TMEM184C: variants seen among roughly 807,000 people sequenced by gnomAD.
TMEM184C encodes transmembrane protein 184C, also known as transmembrane protein 34.
A neutral mutation model predicts 54.5 loss-of-function variants in TMEM184C; 25 were observed. The observed-to-expected ratio is 0.46, with a 90% CI of 0.33 to 0.64. The LOEUF (loss-of-function observed/expected upper bound fraction) is 0.64. TMEM184C is among the 30% of genes least tolerant of loss of function. The pLI is 0.02. For missense variants in TMEM184C, 335 were observed against 520.3 expected (o/e 0.64, Z 3.46); for synonymous variants, 148 against 181.5 (o/e 0.82, Z 1.49).
At chr4:147,634,073 G>A in intron 9 of TMEM184C, 96 bp from the exon 10 acceptor site, 1 of 1,523,828 alleles carries the variant, frequency 6.6e-7, no homozygotes, top group Non-Finnish European at 8.8e-7. Context: ...TCAACTTTGG[G>A]GAGTGGGAGA....
chr4:147,632,081 G>A (rs758000024), intron 7 of TMEM184C, among the ~76,000 whole-genome samples: 3 of 149,662 alleles, frequency 2.0e-5, no homozygotes, highest in Non-Finnish European at 4.4e-5. Flanking sequence ...GGGAAGGCAG[G>A]AGAATTACCT....
In TMEM184C at chr4:147,623,926, G is replaced by A; in HGVS notation, c.216G>A (p.Val72=). ...ISLWVILQHL[V]HYTQPELQKP... ...TGTGGGTGATATTGCAACACTTAGT[G>A]CATTATACACAACCTGAACTACAAA... The change falls in exon 2 of 10, where the codon GTG becomes GTA. Residue 72 remains valine, a synonymous_variant. Transcript: ENST00000296582. 6.2e-7 allele frequency: 1 copy of A among 1,613,940 alleles called. No homozygotes were observed. Among genetic ancestry groups the A allele is most frequent in the Non-Finnish European group, 8.5e-7 (1 of 1,179,916 alleles).
intron 3 of TMEM184C, among the ~76,000 whole-genome samples, 197 bp downstream of exon 3, chr4:147,624,295 T>C (rs1371277204): frequency 6.6e-6 from 1 of 152,136 alleles, no homozygotes; most frequent in African/African-American, 2.4e-5. Context: ...TGTTTAAAAA[T>C]CTATAGCTGT....
At position 147,634,347 on chromosome 4, in the gene TMEM184C, A is replaced by G. The variant is rs762102762; in HGVS notation, c.1230A>G (p.Thr410=). 3.7e-6 allele frequency: 6 copies of G among 1,614,146 alleles called. No individual in the cohort carries two copies. The African/African-American group carries it at 5.3e-5, about 14-fold the overall frequency. ...GACACACTGTGACTCCCCAGACTACACCTACCACAGCTAAGATATCTGATG... is the reference window on the plus strand; with the variant it reads ...GACACACTGTGACTCCCCAGACTACGCCTACCACAGCTAAGATATCTGATG... The part of the protein sequence containing the change: ...GFGHTVTPQT[T]PTTAKISDEI... Residue 410 remains threonine, a synonymous_variant, in exon 10 of 10, where the codon ACA becomes ACG. Coordinates refer to ENST00000296582, the MANE Select transcript of TMEM184C (RefSeq NM_018241.3).
At chr4:147,628,668 G>A (rs1052178490) in intron 5 of TMEM184C, among the ~76,000 whole-genome samples, 4 of 151,896 alleles carry the variant, frequency 2.6e-5, no homozygotes, top group Admixed American at 1.3e-4. Flanking sequence ...AGAGCTAGCT[G>A]GCCGTAAAGC....
intron 5 of TMEM184C, among the ~76,000 whole-genome samples, chr4:147,629,224 T>A (rs1033724141): frequency 6.6e-6 from 1 of 152,098 alleles, no homozygotes; most frequent in South Asian, 2.1e-4. Flanking sequence ...TACAGTTATA[T>A]ACACCTGCAT....
At chr4:147,629,846 A>C (rs1399839878) in intron 6 of TMEM184C, among the ~76,000 whole-genome samples, 154 bp downstream of exon 6, 2 of 151,544 alleles carry the variant, frequency 1.3e-5, no homozygotes, top group Non-Finnish European at 3.0e-5. Flanking sequence ...ACTTGAAAAA[A>C]ATTTAATATA....
Position 147,633,753 on chromosome 4 carries a change from T to C in TMEM184C, c.880-12T>C. The C allele has an allele frequency of 6.5e-7, 1 of 1,545,830 alleles. No individual in the cohort carries two copies. Among genetic ancestry groups the C allele is most frequent in the African/African-American group, 1.4e-5 (1 of 73,212 alleles). On this transcript the variant is annotated splice_polypyrimidine_tract_variant and intron_variant, in intron 8 of 9. Transcript: ENST00000296582. ...TCCAAAGGTGGCTGTTATCTTATTG[T>C]TGTTCTCATAGGATTTTATTATCTG...
chr4:147,617,743 C>A lies in TMEM184C; in HGVS notation c.-214C>A. The stretch of plus-strand genomic sequence containing the variant: ...AAGAAAGGATGTTGCCTGCACTGCT[C>A]GCCAATAGCACCCTGAGAGGCTACA... On this transcript the variant is annotated 5_prime_UTR_variant, in exon 1 of 10. Transcript: ENST00000296582. The A allele has an allele frequency of 1.8e-6, 1 of 567,150 alleles. No homozygotes were observed. Among genetic ancestry groups the A allele is most frequent in the Non-Finnish European group, 3.1e-6 (1 of 317,588 alleles). 35.1% of individuals were successfully genotyped at this position (567,150 alleles called of 1,614,324 possible).
intron 1 of TMEM184C, among the ~76,000 whole-genome samples, chr4:147,619,447 G>A (rs914919125): frequency 2.0e-5 from 3 of 151,908 alleles, no homozygotes; most frequent in Non-Finnish European, 2.9e-5. Context: ...CACCCACCTC[G>A]GCTTCCCAAA....
At chr4:147,628,521 G>A (rs554286435) in intron 5 of TMEM184C, 86 bp downstream of exon 5, 3 of 1,092,836 alleles carry the variant, frequency 2.7e-6, no homozygotes, top group Admixed American at 2.0e-5. Context: ...TAGTGTTAAT[G>A]TGCTTATTTA....
Position 147,634,195 on chromosome 4 carries a change from A to G in TMEM184C, c.1078A>G (p.Lys360Glu), listed in dbSNP as rs754139437. ...ACGGACAGTCAGGGGACATCCCAGGAAAAAATTGTTTCCCGAGGATCAAGA... is the reference window on the plus strand; with the variant it reads ...ACGGACAGTCAGGGGACATCCCAGGGAAAAATTGTTTCCCGAGGATCAAGA... ...VGRTVRGHPRKKLFPEDQDQN... is the reference protein window; with the variant it reads ...VGRTVRGHPREKLFPEDQDQN... Residue 360 changes from lysine to glutamate, a missense_variant, in exon 10 of 10, where the codon AAA becomes GAA. Physicochemically the swap from Lys to Glu is moderately conservative, Grantham distance 56 (BLOSUM62 1). Transcript: ENST00000296582. The G allele has an allele frequency of 3.1e-6, 5 of 1,613,710 alleles. No individual in the cohort carries two copies. Among genetic ancestry groups the G allele is most frequent in the Non-Finnish European group, 4.2e-6 (5 of 1,179,858 alleles).
At chr4:147,629,780 G>T in intron 6 of TMEM184C, 88 bp downstream of exon 6, 1 of 834,540 alleles carries the variant, frequency 1.2e-6, no homozygotes, top group Non-Finnish European at 1.7e-6. Context: ...TTAGGATAAG[G>T]CTTGCTTCTT....
In TMEM184C at chr4:147,632,662, T is replaced by A. The variant is rs1190638889; in HGVS notation, c.780-241T>A. 3 of 414,474 alleles carry A rather than the reference T, an allele frequency of 7.2e-6. No individual in the cohort carries two copies. In the South Asian group the frequency reaches 1.7e-4, roughly 24 times the overall value. 25.7% of individuals were successfully genotyped at this position (414,474 alleles called of 1,614,324 possible). A position where few individuals can be genotyped will look rare whatever the true frequency, so the allele number is the denominator to read the frequency against. ...GTTTAAATTTTACCTGGGGCCATTA[T>A]CTCTAGATTTGCTTGAAATGCTCAG... On this transcript the variant is annotated intron_variant, in intron 7 of 9. Coordinates refer to ENST00000296582, the MANE Select transcript of TMEM184C (RefSeq NM_018241.3).
chr4:147,625,029 T>C lies in TMEM184C; in HGVS notation c.497+20T>C, dbSNP rs1285657066. On this transcript the variant is annotated intron_variant, in intron 4 of 9. Transcript: ENST00000296582. ...GGGAGAGTAAGTATGTTTGGTTTAA[T>C]TCTTTTATGTTTTGGTTTTTCATTT... 6.2e-7 allele frequency: 1 copy of C among 1,611,128 alleles called. No individual in the cohort carries two copies. The highest frequency in any genetic ancestry group is 8.5e-7 in the Non-Finnish European group (1 of 1,178,238).
Position 147,634,593 on chromosome 4 carries a change from A to G in TMEM184C, c.*159A>G, listed in dbSNP as rs1031454385. ...CTGCATTTATATATGTAAGTTTTGTATATCAAAAATAATTGGTCTAAATTT... is the reference window on the plus strand; with the variant it reads ...CTGCATTTATATATGTAAGTTTTGTGTATCAAAAATAATTGGTCTAAATTT... On this transcript the variant is annotated 3_prime_UTR_variant, in exon 10 of 10. Coordinates refer to ENST00000296582, the MANE Select transcript of TMEM184C (RefSeq NM_018241.3). 2.1e-5 allele frequency: 16 copies of G among 750,004 alleles called. No individual in the cohort carries two copies. Among genetic ancestry groups the G allele is most frequent in the East Asian group, 1.7e-4 (6 of 36,272 alleles). The allele number at this position is 750,004 out of a possible 1,614,324, so 46.5% of individuals were successfully genotyped here. A position where few individuals can be genotyped will look rare whatever the true frequency, so the allele number is the denominator to read the frequency against.
chr4:147,621,583 C>T (rs1461034265), intron 1 of TMEM184C, among the ~76,000 whole-genome samples: 1 of 152,090 alleles, frequency 6.6e-6, no homozygotes, highest in East Asian at 1.9e-4. Context: ...TACAATGTTA[C>T]TTAAATATAT....
At chr4:147,618,223 C>G (rs1578855710) in intron 1 of TMEM184C, 144 bp downstream of exon 1, 7 of 1,232,794 alleles carry the variant, frequency 5.7e-6, no homozygotes, top group Non-Finnish European at 6.8e-6. Flanking sequence ...ATAAACCTGT[C>G]TAATTTCTTG....
In TMEM184C at chr4:147,617,933, A is replaced by G. The variant is rs200416231; in HGVS notation, c.-24A>G. On this transcript the variant is annotated 5_prime_UTR_variant, in exon 1 of 10. The change abolishes the stop of an existing upstream ORF in the 5' untranslated region. Transcript: ENST00000296582. Reference sequence around the variant, plus strand: ...CTTTTCGAGATCTTTTCCCTTGCTAACCGGATCTGATTTGTGCGAAAACAT... The same window carrying G: ...CTTTTCGAGATCTTTTCCCTTGCTAGCCGGATCTGATTTGTGCGAAAACAT... 3 of 1,613,632 alleles carry G rather than the reference A, an allele frequency of 1.9e-6. No individual in the cohort carries two copies. The highest frequency in any genetic ancestry group is 4.5e-5 in the East Asian group (2 of 44,878).
Sources: gnomAD v4.1 joint callset for allele counts (sites outside exome capture counted in the v4.1 genomes callset) on GRCh38, gnomAD v4.1.1 for gene constraint, MANE v1.5 for transcripts, NCBI Gene and HGNC (gene_info 2026-07-23, HGNC 2026-07-21) for gene names.